The following SSBP2 variants were observed in gnomAD, a reference collection of about 807,000 sequenced individuals.
The protein encoded by SSBP2 is single-stranded DNA-binding protein 2.
Under a neutral mutation model 61.8 loss-of-function variants are expected in SSBP2, and 17 were observed. The observed-to-expected ratio is 0.28, with a 90% CI of 0.19 to 0.41. SSBP2 has a LOEUF of 0.41. Among genes scored for constraint, SSBP2 ranks in the 10% least tolerant of loss-of-function variants. The pLI, the probability that SSBP2 is intolerant of heterozygous loss-of-function variation, is 1.00. For missense variants in SSBP2, 310 were observed against 458.7 expected (o/e 0.68, Z 2.96); for synonymous variants, 139 against 141.3 (o/e 0.98, Z 0.12).
At chr5:81,547,503 G>A (rs1399022788) in intron 4 of SSBP2, among the ~76,000 whole-genome samples, 2 of 152,074 alleles carry the variant, frequency 1.3e-5, no homozygotes, top group African/African-American at 2.4e-5. Context: ...ATCTCACGCT[G>A]TTGCCCAGGC....
At chr5:81,605,469 C>T (rs1223538471) in intron 4 of SSBP2, among the ~76,000 whole-genome samples, 1 of 152,056 alleles carries the variant, frequency 6.6e-6, no homozygotes, top group Non-Finnish European at 1.5e-5. Context: ...CCCTTTATTA[C>T]TATTCTAGTC....
intron 4 of SSBP2, 94 bp from the exon 5 acceptor site, chr5:81,513,811 T>C (rs1382940124): frequency 1.3e-6 from 1 of 743,736 alleles, no homozygotes; most frequent in African/African-American, 1.8e-5. Flanking sequence ...GGGATGCTCT[T>C]TCATGCCTGG....
chr5:81,592,240 G>A (rs930453247), intron 4 of SSBP2, among the ~76,000 whole-genome samples: 33 of 152,210 alleles, frequency 2.2e-4, no homozygotes, highest in African/African-American at 7.5e-4. Flanking sequence ...CTCATTGCTA[G>A]CACAGCAGTC....
At chr5:81,584,607 TGAAG>T (rs1169111506) in intron 4 of SSBP2, among the ~76,000 whole-genome samples, 3 of 152,128 alleles carry the variant, frequency 2.0e-5, no homozygotes, top group Non-Finnish European at 2.9e-5. Flanking sequence ...CTATGTGATA[TGAAG>T]GAAACAGGAA....
chr5:81,656,209 G>A (rs533973602), intron 1 of SSBP2, among the ~76,000 whole-genome samples: 5 of 151,968 alleles, frequency 3.3e-5, no homozygotes, highest in South Asian at 2.1e-4. Context: ...GCACCACCAC[G>A]CCCAGCTAAT....
chr5:81,473,968 AT>A (rs1201173698), intron 7 of SSBP2, among the ~76,000 whole-genome samples, 198 bp from the exon 8 acceptor site: 1 of 151,954 alleles, frequency 6.6e-6, no homozygotes, highest in African/African-American at 2.4e-5. Context: ...CTTGACTGAA[AT>A]TTTCTCCCTA....
chr5:81,674,029 A>C (rs898108490), intron 1 of SSBP2, among the ~76,000 whole-genome samples: 1 of 152,200 alleles, frequency 6.6e-6, no homozygotes, highest in Non-Finnish European at 1.5e-5. Flanking sequence ...CCTAAGTACA[A>C]GATTATTTAA....
chr5:81,493,275 T>TAGAC (rs1767011413), intron 5 of SSBP2, among the ~76,000 whole-genome samples: 2 of 151,364 alleles, frequency 1.3e-5, no homozygotes, highest in South Asian at 4.2e-4. Flanking sequence ...GATAGATAGA[T>TAGAC]AGATAGATAG....
At chr5:81,614,238 T>C (rs1041554134) in intron 4 of SSBP2, among the ~76,000 whole-genome samples, 7 of 151,670 alleles carry the variant, frequency 4.6e-5, no homozygotes, top group Admixed American at 6.6e-5. Context: ...CGGGCGCCTG[T>C]AATCCCAGCT....
intron 1 of SSBP2, among the ~76,000 whole-genome samples, chr5:81,677,077 T>C (rs1431629443): frequency 1.3e-5 from 2 of 152,156 alleles, no homozygotes; most frequent in African/African-American, 4.8e-5. Context: ...TACTTTAGTC[T>C]CAGAATAATA....
intron 6 of SSBP2, among the ~76,000 whole-genome samples, chr5:81,479,652 A>G (rs188832552): frequency 6.6e-6 from 1 of 152,278 alleles, no homozygotes; most frequent in African/African-American, 2.4e-5. Context: ...TGAGGAGGGT[A>G]CTTAATAAAA....
At chr5:81,614,786 T>C (rs567091754) in intron 4 of SSBP2, among the ~76,000 whole-genome samples, 4 of 152,274 alleles carry the variant, frequency 2.6e-5, no homozygotes, top group African/African-American at 9.6e-5. Context: ...AATACCATCT[T>C]CTCATTCTTA....
intron 4 of SSBP2, among the ~76,000 whole-genome samples, chr5:81,532,972 C>T (rs938775543): frequency 3.3e-5 from 5 of 151,878 alleles, no homozygotes; most frequent in East Asian, 3.9e-4. Context: ...TCTCAACAAC[C>T]GATAGTAGAC....
At chr5:81,444,281 T>A (rs1561405908) in intron 12 of SSBP2, among the ~76,000 whole-genome samples, 1 of 152,232 alleles carries the variant, frequency 6.6e-6, no homozygotes, top group Non-Finnish European at 1.5e-5. Flanking sequence ...TGTTTTTTCC[T>A]GTGACCAACC....
At chr5:81,517,842 A>C (rs1207020170) in intron 4 of SSBP2, among the ~76,000 whole-genome samples, 1 of 151,908 alleles carries the variant, frequency 6.6e-6, no homozygotes, top group Non-Finnish European at 1.5e-5. Flanking sequence ...ACTTGAAATA[A>C]AAGTTAAAAA....
chr5:81,495,934 T>C (rs1473098887), intron 5 of SSBP2, among the ~76,000 whole-genome samples: 2 of 152,150 alleles, frequency 1.3e-5, no homozygotes, highest in Admixed American at 1.3e-4. Context: ...TTTTCTATAT[T>C]CTATCTTTTA....
chr5:81,593,328 A>C (rs1743313985), intron 4 of SSBP2, among the ~76,000 whole-genome samples: 1 of 152,206 alleles, frequency 6.6e-6, no homozygotes, highest in South Asian at 2.1e-4. Flanking sequence ...CCTCCAAGAA[A>C]TATGGGACTA....
intron 4 of SSBP2, among the ~76,000 whole-genome samples, chr5:81,593,817 G>A (rs1743392589): frequency 6.6e-6 from 1 of 152,186 alleles, no homozygotes; most frequent in South Asian, 2.1e-4. Context: ...CACCAGGCCT[G>A]CCCTAAAGGA....
At chr5:81,704,778 G>A (rs931104678) in intron 1 of SSBP2, among the ~76,000 whole-genome samples, 84 of 134,770 alleles carry the variant, frequency 6.2e-4, no homozygotes, top group Middle Eastern at 4.7e-3. Flanking sequence ...CCTGGGTGAC[G>A]GGGAATGATT....
Sources: allele counts gnomAD v4.1 joint callset (sites outside exome capture counted in the v4.1 genomes callset), GRCh38; gene constraint gnomAD v4.1.1; transcripts MANE v1.5; gene names NCBI Gene and HGNC (gene_info 2026-07-23, HGNC 2026-07-21).